The following CACNA1A variants were observed in gnomAD, a reference collection of about 807,000 sequenced individuals.
CACNA1A encodes the protein voltage-dependent P/Q-type calcium channel subunit alpha-1A.
Under a neutral mutation model 262.4 loss-of-function variants are expected in CACNA1A, and 57 were observed. The ratio of observed to expected loss-of-function variants is 0.22; its 90% CI spans 0.18 to 0.27. The LOEUF is 0.27. CACNA1A is among the 10% of genes least tolerant of loss of function. CACNA1A has a pLI of 1.00. For missense variants in CACNA1A, 2,526 were observed against 3,562.8 expected, an observed-to-expected ratio of 0.71 and a Z score of 7.41; for synonymous variants, 1,431 against 1,419.3, an observed-to-expected ratio of 1.01 and a Z score of -0.18.
chr19:13,499,439 G>A (rs554839139), intron 1 of CACNA1A, among the ~76,000 whole-genome samples: 103 of 111,444 alleles, frequency 9.2e-4, no homozygotes, highest in African/African-American at 2.9e-3. Context: ...CTGACCAGTC[G>A]CAGGGGGTGG....
intron 1 of CACNA1A, among the ~76,000 whole-genome samples, chr19:13,471,040 G>A (rs542568882): frequency 1.1e-4 from 16 of 152,222 alleles, no homozygotes; most frequent in African/African-American, 2.9e-4. Flanking sequence ...GCCTCTTCCC[G>A]CTTTTGGTGC....
intron 9 of CACNA1A, among the ~76,000 whole-genome samples, chr19:13,331,764 G>A (rs903773019): frequency 6.6e-6 from 1 of 151,706 alleles, no homozygotes; most frequent in Non-Finnish European, 1.5e-5. Flanking sequence ...GGGCTCAAGT[G>A]ATCCTCCCAC....
chr19:13,454,940 C>T (rs185625657), intron 2 of CACNA1A, among the ~76,000 whole-genome samples, 167 bp downstream of exon 2: 1 of 152,182 alleles, frequency 6.6e-6, no homozygotes, highest in Admixed American at 6.5e-5. Context: ...GCCTGGGTGA[C>T]AGAGCGAGAC....
intron 1 of CACNA1A, among the ~76,000 whole-genome samples, chr19:13,461,137 C>T (rs1285754047): frequency 2.6e-5 from 4 of 151,970 alleles, no homozygotes; most frequent in Admixed American, 6.6e-5. Context: ...GTCAGGAGTT[C>T]GAGACCAGCC....
intron 19 of CACNA1A, among the ~76,000 whole-genome samples, chr19:13,297,273 G>C (rs1405368411): frequency 6.6e-6 from 1 of 152,164 alleles, no homozygotes; most frequent in Non-Finnish European, 1.5e-5. Flanking sequence ...ATATAATTCT[G>C]GACGACAGTG....
At chr19:13,501,898 T>A (rs1236743359) in intron 1 of CACNA1A, among the ~76,000 whole-genome samples, 3 of 152,124 alleles carry the variant, frequency 2.0e-5, no homozygotes, top group Non-Finnish European at 2.9e-5. Context: ...TGGGGAATTG[T>A]GGATAAGAAA....
intron 11 of CACNA1A, chr19:13,315,230 C>CT (rs1230038621): frequency 1.2e-4 from 14 of 121,364 alleles, no homozygotes; most frequent in Middle Eastern, 7.8e-3. Context: ...GAGATGGCGT[C>CT]TAGCTCTGTT....
intron 1 of CACNA1A, among the ~76,000 whole-genome samples, chr19:13,496,071 TC>T (rs1981486177): frequency 6.7e-6 from 1 of 148,336 alleles, no homozygotes; most frequent in Non-Finnish European, 1.5e-5. Context: ...CATCCATCCA[TC>T]CATCCATCCA....
intron 8 of CACNA1A, among the ~76,000 whole-genome samples, 183 bp from the exon 9 acceptor site, chr19:13,333,108 A>G (rs547769993): frequency 6.6e-6 from 1 of 152,208 alleles, no homozygotes; most frequent in South Asian, 2.1e-4. Context: ...AACAGTAGCA[A>G]TAGCCAACAT....
At position 13,234,922 on chromosome 19, in the gene CACNA1A, G is replaced by A. The variant is rs1568446845; in HGVS notation, c.5248C>T (p.Arg1750Trp). Reference sequence around the variant, plus strand: ...TATCAGAGCAGGTCCCCTTCTCACCGGAAGAGAAGCATGAGGGCCTGGAAG... The same window carrying A: ...TATCAGAGCAGGTCCCCTTCTCACCAGAAGAGAAGCATGAGGGCCTGGAAG... The part of the protein sequence containing the change: ...TFFQALMLLF[R>W]SATGEAWHNI... The change falls in exon 34 of 47, where the codon CGG becomes TGG. Residue 1750 changes from arginine (R) to tryptophan (W), a missense_variant and splice_region_variant. Physicochemically the swap from Arg to Trp is moderately radical, Grantham distance 101. Around this residue, in one of 17 missense-constraint regions of CACNA1A, gnomAD observed 39 missense variants for 124.9 expected, o/e 0.31. Coordinates refer to ENST00000360228, the MANE Select transcript of CACNA1A (RefSeq NM_001127222.2). 1.2e-6 allele frequency: 2 copies of A among 1,602,962 alleles called. No individual in the cohort carries two copies. Among genetic ancestry groups the A allele is most frequent in the Non-Finnish European group, 1.7e-6 (2 of 1,169,756 alleles).
intron 19 of CACNA1A, among the ~76,000 whole-genome samples, chr19:13,289,056 C>CT (rs1281280254): frequency 6.6e-6 from 1 of 151,728 alleles, no homozygotes; most frequent in Non-Finnish European, 1.5e-5. Flanking sequence ...GTCCAAGCAA[C>CT]TTTCTGCCTT....
chr19:13,338,774 G>A lies in CACNA1A; in HGVS notation c.979-2865C>T, dbSNP rs11668136. On this transcript the variant is annotated intron_variant, in intron 6 of 46. Transcript: ENST00000360228. ...TTTCTGTTTCCTCATTTGTGTGCTGGTTACATGGATGTGTTTAGTTTGTGA... is the reference window on the plus strand; with the variant it reads ...TTTCTGTTTCCTCATTTGTGTGCTGATTACATGGATGTGTTTAGTTTGTGA... 3.0e-3 allele frequency among the ~76,000 whole-genome samples: 457 copies of A among 152,248 alleles called. 2 individuals are homozygous for A. Among genetic ancestry groups the A allele is most frequent in the Middle Eastern group, 0.014 (4 of 294 alleles).
At chr19:13,342,709 T>C (rs1446462104) in intron 6 of CACNA1A, among the ~76,000 whole-genome samples, 5 of 152,144 alleles carry the variant, frequency 3.3e-5, no homozygotes, top group Non-Finnish European at 7.4e-5. Context: ...TAGCATTCCT[T>C]TTTTCCTTCT....
At chr19:13,243,489 C>A (rs576527589) in intron 31 of CACNA1A, among the ~76,000 whole-genome samples, 1 of 152,216 alleles carries the variant, frequency 6.6e-6, no homozygotes, top group Non-Finnish European at 1.5e-5. Flanking sequence ...TCAGGAGTCA[C>A]CCAGGCCTGG....
At chr19:13,427,185 C>T (rs1408296054) in intron 3 of CACNA1A, among the ~76,000 whole-genome samples, 1 of 152,106 alleles carries the variant, frequency 6.6e-6, no homozygotes, top group Admixed American at 6.6e-5. Flanking sequence ...TGCGTGGTGG[C>T]TCAGGCCTGT....
At chr19:13,339,143 C>T (rs866091195) in intron 6 of CACNA1A, among the ~76,000 whole-genome samples, 1 of 152,082 alleles carries the variant, frequency 6.6e-6, no homozygotes, top group African/African-American at 2.4e-5. Context: ...TAATTACAGG[C>T]GTGAGCCACT....
chr19:13,488,308 C>T (rs939665764), intron 1 of CACNA1A, among the ~76,000 whole-genome samples: 6 of 151,862 alleles, frequency 4.0e-5, no homozygotes, highest in African/African-American at 1.5e-4. Flanking sequence ...AAACATTCCC[C>T]ACTCCAGGGG....
chr19:13,416,318 G>A (rs534145679), intron 3 of CACNA1A, among the ~76,000 whole-genome samples: 3 of 152,196 alleles, frequency 2.0e-5, no homozygotes, highest in African/African-American at 4.8e-5. Context: ...GCCCAGGCTG[G>A]TCTCAAACTC....
At chr19:13,351,667 G>A (rs1220396857) in intron 6 of CACNA1A, among the ~76,000 whole-genome samples, 5 of 152,020 alleles carry the variant, frequency 3.3e-5, no homozygotes, top group Non-Finnish European at 5.9e-5. Context: ...GTGCCACCAC[G>A]CCTGGCTAAT....
Sources: gnomAD v4.1 joint callset for allele counts (sites outside exome capture counted in the v4.1 genomes callset) on GRCh38, gnomAD v4.1.1 for gene constraint, gnomAD v4.1.1 regional missense constraint, MANE v1.5 for transcripts, NCBI Gene and HGNC (gene_info 2026-07-23, HGNC 2026-07-21) for gene names.